MTSS2: variants seen among roughly 807,000 people sequenced by gnomAD.
MTSS2 encodes MTSS I-BAR domain containing 2, also known as protein MTSS 2.
In MTSS2, 27 loss-of-function variants were observed where a neutral mutation model predicts 67.1. That is an observed-to-expected ratio of 0.40 (90% CI 0.30 to 0.55). The LOEUF (loss-of-function observed/expected upper bound fraction) is 0.55. MTSS2 is among the 20% of genes least tolerant of loss of function. The pLI is 0.43. For synonymous variants in MTSS2, 624 were observed against 468.6 expected, an observed-to-expected ratio of 1.33 and a Z score of -4.28; for missense variants, 1,171 against 1,067.8, an observed-to-expected ratio of 1.10 and a Z score of -1.35.
At position 70,682,320 on chromosome 16, in the gene MTSS2, G is replaced by A. The variant is rs111393699; in HGVS notation, c.70-1295C>T. ...GCTGTTCCTAGCCGTCCCAAGGAGT[G>A]GACTCATGCCACCTATGCCTGGAGT... On this transcript the variant is annotated intron_variant, in intron 1 of 14. Transcript: ENST00000338779. Among the ~76,000 whole-genome samples, 12 of 152,304 alleles carry A rather than the reference G, an allele frequency of 7.9e-5. 2 individuals carry two copies. The highest frequency in any genetic ancestry group is 2.9e-4 in the African/African-American group (12 of 41,564).
Position 70,674,543 on chromosome 16 carries a change from G to A in MTSS2, c.831-15C>T, listed in dbSNP as rs1318947338. The A allele has an allele frequency of 3.7e-6, 6 of 1,609,222 alleles. No homozygotes were observed. Among genetic ancestry groups the A allele is most frequent in the African/African-American group, 1.3e-5 (1 of 74,886 alleles). On this transcript the variant is annotated splice_polypyrimidine_tract_variant and intron_variant, in intron 10 of 14. Coordinates refer to ENST00000338779, the MANE Select transcript of MTSS2 (RefSeq NM_138383.3). ...TGCTGGGGGCACTAGGGGAGTGAAG[G>A]AAGAGGGCACAGCAGCCAGACAGGG... is the stretch of plus-strand genomic sequence containing the variant.
chr16:70,665,299 A>T, intron 12 of MTSS2, 167 bp downstream of exon 12: 1 of 917,296 alleles, frequency 1.1e-6, no homozygotes, highest in Non-Finnish European at 1.6e-6. Context: ...CTGTGTGGGC[A>T]GTGACTGTAG....
rs2052490736 is a variant in MTSS2 at position 70,661,920 on chromosome 16, A to C, written c.*1757T>G. On this transcript the variant is annotated 3_prime_UTR_variant, in exon 15 of 15. Transcript: ENST00000338779. The stretch of plus-strand genomic sequence containing the variant: ...GAATGTGTGGCGGAAATTCTACCCA[A>C]GACTCCCCAAATAATTGGTCACCTG... 1 of 153,828 alleles carries C rather than the reference A, an allele frequency of 6.5e-6. No individual in the cohort carries two copies. The highest frequency in any genetic ancestry group is 1.4e-5 in the Non-Finnish European group (1 of 69,208). The allele number at this position is 153,828 out of a possible 1,614,324, so 9.5% of individuals were successfully genotyped here. A position where few individuals can be genotyped will look rare whatever the true frequency, so the allele number is the denominator to read the frequency against.
At chr16:70,668,945 T>C (rs75783697) in intron 11 of MTSS2, among the ~76,000 whole-genome samples, 2 of 152,130 alleles carry the variant, frequency 1.3e-5, no homozygotes, top group Non-Finnish European at 2.9e-5. Context: ...ATTTTTTTTT[T>C]CAATACACTG....
rs905862527 is a variant in MTSS2 at position 70,679,508 on chromosome 16, G to A, written c.457+122C>T. The A allele has an allele frequency of 1.5e-5, 19 of 1,263,670 alleles. No homozygotes were observed. The South Asian group carries it at 2.6e-4, about 17-fold the overall frequency. 78.3% of individuals were successfully genotyped at this position (1,263,670 alleles called of 1,614,324 possible). A position where few individuals can be genotyped will look rare whatever the true frequency, so the allele number is the denominator to read the frequency against. ...CCTCTGTCCCACCCAACAGGTTGGAGGGTCCTGTGTCGGGGACAGCGCCCC... is the reference window on the plus strand; with the variant it reads ...CCTCTGTCCCACCCAACAGGTTGGAAGGTCCTGTGTCGGGGACAGCGCCCC... On this transcript the variant is annotated intron_variant, in intron 6 of 14. Coordinates refer to ENST00000338779, the MANE Select transcript of MTSS2 (RefSeq NM_138383.3).
At chr16:70,665,608 G>C in intron 11 of MTSS2, 68 bp from the exon 12 acceptor site, 1 of 1,390,540 alleles carries the variant, frequency 7.2e-7, no homozygotes, top group South Asian at 1.3e-5. Flanking sequence ...GGAGAGGAGA[G>C]AACAGTTTTG....
At chr16:70,675,109 GAA>G (rs113047682) in intron 10 of MTSS2, among the ~76,000 whole-genome samples, 1 of 137,670 alleles carries the variant, frequency 7.3e-6, no homozygotes, top group Non-Finnish European at 1.6e-5. Flanking sequence ...GCTCTGTCTT[GAA>G]AAAAAAAAAA....
At chr16:70,680,899 G>A in intron 2 of MTSS2, 32 bp from the exon 3 acceptor site, 1 of 1,540,770 alleles carries the variant, frequency 6.5e-7, no homozygotes, top group Non-Finnish European at 8.8e-7. Context: ...TGGATGGTCG[G>A]TGGTTGGGCG....
Position 70,664,997 on chromosome 16 carries a change from C to G in MTSS2, c.1228G>C (p.Ala410Pro), listed in dbSNP as rs770176726. ...ELLRDTEPGP[A>P]SGGTLGPSGE... ...CTGGGGCCCAGGGTGCCCCCACTGG[C>G]AGGGCCTGGCTCTGTGTCTCGCAGG... Residue 410 changes from alanine to proline, a missense_variant, in exon 13 of 15, where the codon GCC (alanine) becomes CCC (proline). By Grantham distance (27) the Ala-to-Pro change is conservative (BLOSUM62 -1). Coordinates refer to ENST00000338779, the MANE Select transcript of MTSS2 (RefSeq NM_138383.3). 7.5e-6 allele frequency: 12 copies of G among 1,591,478 alleles called. No individual in the cohort carries two copies. In the Admixed American group the frequency reaches 2.0e-4, roughly 27 times the overall value.
At chr16:70,677,199 C>T (rs977016082) in intron 9 of MTSS2, among the ~76,000 whole-genome samples, 3 of 152,182 alleles carry the variant, frequency 2.0e-5, no homozygotes, top group South Asian at 2.1e-4. Context: ...GTAGAGATTC[C>T]GAGCCCAGCC....
At chr16:70,680,917 G>GGGGGGGGGGGGGCGCCCC in intron 2 of MTSS2, 47 bp downstream of exon 2, 1 of 1,168,276 alleles carries the variant, frequency 8.6e-7, no homozygotes, top group Non-Finnish European at 1.2e-6. Context: ...GCGGGGGGGG[G>GGGGGGGGGGGGGCGCCCC]GCCTCTGCCT....
Position 70,671,181 on chromosome 16 carries a change from G to C in MTSS2, c.1053+3125C>G, listed in dbSNP as rs1164780431. Among the ~76,000 whole-genome samples, 8 of 151,910 alleles carry C rather than the reference G, an allele frequency of 5.3e-5. 1 individual carries two copies. The highest frequency in any genetic ancestry group is 5.3e-4 in the Admixed American group (8 of 15,236). The stretch of plus-strand genomic sequence containing the variant: ...CTGTAATCCCAGCACTTGGGAGGCT[G>C]GCACAGGCGGATCACTTGAGATTAG... On this transcript the variant is annotated intron_variant, in intron 11 of 14. Coordinates refer to ENST00000338779, the MANE Select transcript of MTSS2 (RefSeq NM_138383.3).
intron 1 of MTSS2, among the ~76,000 whole-genome samples, chr16:70,685,351 T>C (rs943941675): frequency 2.0e-5 from 3 of 152,018 alleles, no homozygotes; most frequent in South Asian, 2.1e-4. Flanking sequence ...TGGGGGAACA[T>C]GGTGGTGGAA....
chr16:70,671,745 G>A (rs1012050892), intron 11 of MTSS2, among the ~76,000 whole-genome samples: 1 of 152,106 alleles, frequency 6.6e-6, no homozygotes, highest in Non-Finnish European at 1.5e-5. Context: ...CTCCAGTGGA[G>A]AAACTTGGCA....
At chr16:70,679,946 C>G (rs2053247175) in intron 4 of MTSS2, 25 bp downstream of exon 4, 1 of 1,483,958 alleles carries the variant, frequency 6.7e-7, no homozygotes, top group Non-Finnish European at 8.9e-7. Context: ...CCCCGCCCCC[C>G]TGCCCGCCCG....
At position 70,679,641 on chromosome 16, in the gene MTSS2, T is replaced by G. The variant is rs2053233333; in HGVS notation, c.446A>C (p.Lys149Thr). 6.2e-7 allele frequency: 1 copy of G among 1,606,110 alleles called. No homozygotes were observed. Among genetic ancestry groups the G allele is most frequent in the Non-Finnish European group, 8.5e-7 (1 of 1,176,586 alleles). ...KSSDTLKLQK[K>T]ARKELLGKGD... Reference sequence around the variant, plus strand: ...GCGCCAGGCACTACCTTTGCGCGCCTTCTTCTGCAGCTTCAGCGTGTCCGA... The same window carrying G: ...GCGCCAGGCACTACCTTTGCGCGCCGTCTTCTGCAGCTTCAGCGTGTCCGA... Residue 149 changes from lysine (K) to threonine (T), a missense_variant, in exon 6 of 15, where the codon AAG becomes ACG. Transcript: ENST00000338779.
At chr16:70,677,048 CCA>C in intron 9 of MTSS2, 70 bp from the exon 10 acceptor site, 1 of 1,191,486 alleles carries the variant, frequency 8.4e-7, no homozygotes, top group Middle Eastern at 2.0e-4. Flanking sequence ...AGGCCCCCCC[CCA>C]CTCTCTAATT....
intron 1 of MTSS2, among the ~76,000 whole-genome samples, chr16:70,685,509 G>A (rs953760874): frequency 5.3e-5 from 8 of 152,236 alleles, no homozygotes; most frequent in African/African-American, 1.9e-4. Context: ...GCCACCGCGG[G>A]CACCGCACGG....
chr16:70,663,691 G>T lies in MTSS2; in HGVS notation c.2230C>A (p.Pro744Thr). Residue 744 changes from proline (P) to threonine (T), a missense_variant, in exon 15 of 15, where the codon CCC (proline) becomes ACC (threonine). By Grantham distance (38) the Pro-to-Thr change is conservative. This residue lies in a region of MTSS2 where 924 missense variants were observed against 756.0 expected (regional missense o/e 1.22). Transcript: ENST00000338779. ...RRTVTNDRSA[P>T]RIL is the part of the protein sequence containing the mutation. Reference sequence around the variant, plus strand: ...GGGTGGCGCCATCATAAGATGCGGGGCGCCGACCTGTCGTTGGTGACGGTC... The same window carrying T: ...GGGTGGCGCCATCATAAGATGCGGGTCGCCGACCTGTCGTTGGTGACGGTC... 1 of 1,586,538 alleles carries T rather than the reference G, an allele frequency of 6.3e-7. No homozygotes were observed. Among genetic ancestry groups the T allele is most frequent in the East Asian group, 2.3e-5 (1 of 43,504 alleles).
Sources: gnomAD v4.1 joint callset for allele counts (sites outside exome capture counted in the v4.1 genomes callset) on GRCh38, gnomAD v4.1.1 for gene constraint, gnomAD v4.1.1 regional missense constraint, MANE v1.5 for transcripts, NCBI Gene and HGNC (gene_info 2026-07-23, HGNC 2026-07-21) for gene names.